The following LTBP1 variants were observed in gnomAD, a reference collection of about 807,000 sequenced individuals.
The protein encoded by LTBP1 is latent transforming growth factor beta binding protein 1, also known as latent-transforming growth factor beta-binding protein 1.
In LTBP1, 129 loss-of-function variants were observed where a neutral mutation model predicts 207.6. The ratio of observed to expected loss-of-function variants is 0.62; its 90% CI spans 0.54 to 0.72. The LOEUF (loss-of-function observed/expected upper bound fraction) is 0.72. LTBP1 is among the 30% of genes least tolerant of loss of function. The probability of loss-of-function intolerance (pLI) is 0.00; values close to 1 mark genes in which losing one functional copy is unlikely to be tolerated. For missense variants in LTBP1, 2,281 were observed against 2,217.2 expected, an observed-to-expected ratio of 1.03 and a Z score of -0.58; for synonymous variants, 963 against 833.7, an observed-to-expected ratio of 1.16 and a Z score of -2.67.
intron 26 of LTBP1, among the ~76,000 whole-genome samples, chr2:33,351,657 T>C (rs1017553919): frequency 1.3e-5 from 2 of 152,188 alleles, no homozygotes; most frequent in Non-Finnish European, 2.9e-5. Flanking sequence ...AAGTGAGCCG[T>C]CAGTGAGCTT....
At chr2:33,078,504 C>T (rs2078204844) in intron 3 of LTBP1, among the ~76,000 whole-genome samples, 1 of 152,120 alleles carries the variant, frequency 6.6e-6, no homozygotes, top group South Asian at 2.1e-4. Context: ...TGTGTTTTTA[C>T]TGTGTGAGAG....
At chr2:33,018,633 C>T (rs1250343784) in intron 2 of LTBP1, among the ~76,000 whole-genome samples, 1 of 152,110 alleles carries the variant, frequency 6.6e-6, no homozygotes, top group African/African-American at 2.4e-5. Flanking sequence ...GATATAGCAA[C>T]AAAGTTTGCT....
chr2:33,288,217 G>A (rs1286545270), intron 19 of LTBP1, among the ~76,000 whole-genome samples: 1 of 152,152 alleles, frequency 6.6e-6, no homozygotes, highest in Non-Finnish European at 1.5e-5. Context: ...ACTGCTCCGG[G>A]ACAAATTCTA....
At chr2:33,170,435 C>CGT (rs1558745230) in intron 5 of LTBP1, among the ~76,000 whole-genome samples, 1 of 151,978 alleles carries the variant, frequency 6.6e-6, no homozygotes, top group East Asian at 1.9e-4. Context: ...ACTGCAAGGC[C>CGT]GCGGCCAGGC....
At chr2:33,182,988 A>C (rs2086827504) in intron 5 of LTBP1, among the ~76,000 whole-genome samples, 1 of 152,104 alleles carries the variant, frequency 6.6e-6, no homozygotes, top group Non-Finnish European at 1.5e-5. Context: ...ATTGAGAGTT[A>C]AATGTTTCAT....
At chr2:33,270,277 G>T (rs1229673493) in intron 15 of LTBP1, among the ~76,000 whole-genome samples, 1 of 151,822 alleles carries the variant, frequency 6.6e-6, no homozygotes, top group East Asian at 1.9e-4. Flanking sequence ...GTGTTTTGAA[G>T]GTGTGATGGT....
intron 3 of LTBP1, among the ~76,000 whole-genome samples, chr2:33,054,182 C>T (rs6717114): frequency 0.097 from 14,766 of 152,208 alleles, 956 homozygotes; most frequent in Non-Finnish European, 0.14. Flanking sequence ...TACTGCCTCA[C>T]TGATGAGTCT....
At chr2:32,990,568 C>T (rs1160111811) in intron 2 of LTBP1, among the ~76,000 whole-genome samples, 1 of 152,182 alleles carries the variant, frequency 6.6e-6, no homozygotes, top group Non-Finnish European at 1.5e-5. Flanking sequence ...TTCAGAGTGA[C>T]TGTACCTGGG....
At chr2:32,962,811 C>T (rs568267620) in intron 2 of LTBP1, among the ~76,000 whole-genome samples, 3 of 152,358 alleles carry the variant, frequency 2.0e-5, no homozygotes, top group African/African-American at 4.8e-5. Flanking sequence ...GCGTCAGCTC[C>T]GCCTGGGAAC....
intron 28 of LTBP1, among the ~76,000 whole-genome samples, chr2:33,362,056 C>T (rs1484005175): frequency 6.6e-6 from 1 of 152,100 alleles, no homozygotes; most frequent in Non-Finnish European, 1.5e-5. Flanking sequence ...GTATTTGATG[C>T]TACGGTTATA....
rs1257873576 is a variant in LTBP1, at chr2:33,273,645, T to C, written c.2618-11T>C. On this transcript the variant is annotated splice_polypyrimidine_tract_variant and intron_variant, in intron 15 of 33. Transcript: ENST00000404816. ...GTGGGTTTTTTCACATTATTTTATT[T>C]ACTTTTAAAGAAATCAATGAATGTA... is the stretch of plus-strand genomic sequence containing the variant. 5.0e-6 allele frequency: 8 copies of C among 1,590,820 alleles called. No homozygotes were observed. Among genetic ancestry groups the C allele is most frequent in the Non-Finnish European group, 6.8e-6 (8 of 1,170,026 alleles).
At chr2:33,256,189 G>A (rs1040757697) in intron 11 of LTBP1, among the ~76,000 whole-genome samples, 4 of 151,950 alleles carry the variant, frequency 2.6e-5, no homozygotes, top group East Asian at 1.9e-4. Context: ...AGCTGGTCAC[G>A]GCCAGGCTTT....
intron 15 of LTBP1, among the ~76,000 whole-genome samples, chr2:33,264,164 G>A (rs1216505232): frequency 6.6e-6 from 1 of 150,436 alleles, no homozygotes; most frequent in Non-Finnish European, 1.5e-5. Flanking sequence ...GCTGAGGCAG[G>A]AGAATGGCGT....
intron 9 of LTBP1, among the ~76,000 whole-genome samples, chr2:33,237,558 T>G (rs1377951970): frequency 1.3e-5 from 2 of 152,266 alleles, no homozygotes; most frequent in Non-Finnish European, 2.9e-5. Context: ...ATTGTATGTG[T>G]GCATTAAATA....
chr2:33,367,475 G>A (rs1479651118), intron 31 of LTBP1, among the ~76,000 whole-genome samples: 1 of 152,062 alleles, frequency 6.6e-6, no homozygotes, highest in East Asian at 1.9e-4. Context: ...GTGCCCAATA[G>A]GTAATTTTTC....
At chr2:33,074,118 A>G (rs1423497694) in intron 3 of LTBP1, among the ~76,000 whole-genome samples, 1 of 152,246 alleles carries the variant, frequency 6.6e-6, no homozygotes, top group Non-Finnish European at 1.5e-5. Flanking sequence ...CCGAAACTGT[A>G]TAATTGAGAT....
At chr2:32,992,743 G>C (rs762876103) in intron 2 of LTBP1, among the ~76,000 whole-genome samples, 40 of 152,146 alleles carry the variant, frequency 2.6e-4, no homozygotes, top group Non-Finnish European at 5.4e-4. Context: ...ATCAGTGACA[G>C]TTGTTATTGC....
At chr2:32,976,866 C>G (rs1681873258) in intron 2 of LTBP1, among the ~76,000 whole-genome samples, 2 of 152,300 alleles carry the variant, frequency 1.3e-5, no homozygotes, top group South Asian at 4.1e-4. Context: ...AGCAAGCTCT[C>G]CTTGGCTAGG....
chr2:33,099,556 A>G (rs902540157), intron 3 of LTBP1, among the ~76,000 whole-genome samples: 5 of 152,238 alleles, frequency 3.3e-5, no homozygotes, highest in African/African-American at 1.2e-4. Context: ...GAGATATCTC[A>G]TAGAGTCCTG....
Sources: gnomAD v4.1 joint callset for allele counts (sites outside exome capture counted in the v4.1 genomes callset) on GRCh38, gnomAD v4.1.1 for gene constraint, MANE v1.5 for transcripts, NCBI Gene and HGNC (gene_info 2026-07-23, HGNC 2026-07-21) for gene names.